Variants in GRM7 observed in about 807,000 individuals in gnomAD.
The protein encoded by GRM7 is metabotropic glutamate receptor 7.
GRM7 carries 35 observed loss-of-function variants against 84.5 expected under a neutral mutation model. That is an observed-to-expected ratio of 0.41 (90% CI 0.32 to 0.55). The LOEUF (loss-of-function observed/expected upper bound fraction) is 0.55. GRM7 is among the 20% of genes least tolerant of loss of function. GRM7 has a pLI of 0.19. For missense variants in GRM7, 1,003 were observed against 1,194.6 expected, an observed-to-expected ratio of 0.84 and a Z score of 2.36; for synonymous variants, 487 against 455.1, an observed-to-expected ratio of 1.07 and a Z score of -0.89.
Position 7,579,174 on chromosome 3 carries a change from C to A in GRM7, c.2268C>A (p.Ile756=), listed in dbSNP as rs1209877460. The A allele has an allele frequency of 1.2e-6, 2 of 1,613,832 alleles. No individual in the cohort carries two copies. Among genetic ancestry groups the A allele is most frequent in the East Asian group, 2.2e-5 (1 of 44,880 alleles). Residue 756 remains isoleucine, a synonymous_variant, in exon 8 of 10, where the codon ATC becomes ATA. Transcript: ENST00000357716. Reference sequence around the variant, plus strand: ...AGTGTGACATTACAGATCTCCAAATCATTTGCTCCTTGGGATATAGCATTC... The same window carrying A: ...AGTGTGACATTACAGATCTCCAAATAATTTGCTCCTTGGGATATAGCATTC... ...VLKCDITDLQ[I]ICSLGYSILL...
chr3:6,927,106 T>C (rs11131059), intron 1 of GRM7, among the ~76,000 whole-genome samples: 9,842 of 152,210 alleles, frequency 0.065, 454 homozygotes, highest in East Asian at 0.2. Flanking sequence ...AATTTAAATA[T>C]GTGCCATAAA....
intron 7 of GRM7, among the ~76,000 whole-genome samples, chr3:7,568,959 C>T (rs946687117): frequency 2.0e-5 from 3 of 152,166 alleles, no homozygotes; most frequent in African/African-American, 7.2e-5. Flanking sequence ...CATCGACCAC[C>T]CAAGGGCTGA....
intron 1 of GRM7, among the ~76,000 whole-genome samples, chr3:7,076,428 T>C (rs1698080788): frequency 6.6e-6 from 1 of 152,098 alleles, no homozygotes; most frequent in South Asian, 2.1e-4. Flanking sequence ...TCAGAAGATT[T>C]AATGTGTTTA....
At chr3:7,389,656 A>G (rs892973375) in intron 4 of GRM7, among the ~76,000 whole-genome samples, 1 of 152,012 alleles carries the variant, frequency 6.6e-6, no homozygotes, top group Non-Finnish European at 1.5e-5. Flanking sequence ...AGTCTATTTT[A>G]TATGATAAAA....
intron 9 of GRM7, among the ~76,000 whole-genome samples, chr3:7,726,438 A>G (rs1024486669): frequency 2.2e-4 from 33 of 151,790 alleles, no homozygotes; most frequent in African/African-American, 7.5e-4. Context: ...TGTACAAAGT[A>G]AAATGTAAAA....
intron 9 of GRM7, among the ~76,000 whole-genome samples, chr3:7,725,100 T>C (rs184717552): frequency 2.2e-4 from 33 of 152,056 alleles, no homozygotes; most frequent in African/African-American, 7.5e-4. Flanking sequence ...GACAAGAAAA[T>C]ACATTGAAAT....
At chr3:7,229,199 A>G (rs1165133647) in intron 2 of GRM7, among the ~76,000 whole-genome samples, 1 of 152,200 alleles carries the variant, frequency 6.6e-6, no homozygotes, top group Non-Finnish European at 1.5e-5. Context: ...TAACATTTCC[A>G]GTGTTAACAT....
At chr3:7,212,335 CCATTCATTCATT>C (rs144947910) in intron 2 of GRM7, among the ~76,000 whole-genome samples, 1 of 151,890 alleles carries the variant, frequency 6.6e-6, no homozygotes, top group East Asian at 1.9e-4. Flanking sequence ...TTCTTTTTCT[CCATTCATTCATT>C]CATTCATTCA....
At chr3:7,165,061 G>T (rs1370954472) in intron 2 of GRM7, among the ~76,000 whole-genome samples, 2 of 152,220 alleles carry the variant, frequency 1.3e-5, no homozygotes, top group Non-Finnish European at 2.9e-5. Context: ...GATGTGGAAT[G>T]AATCCAGAAA....
intron 1 of GRM7, among the ~76,000 whole-genome samples, chr3:7,128,744 G>T (rs966118931): frequency 6.6e-6 from 1 of 151,552 alleles, no homozygotes; most frequent in Non-Finnish European, 1.5e-5. Flanking sequence ...CTGATTTTAG[G>T]TGATCCACCC....
intron 7 of GRM7, among the ~76,000 whole-genome samples, chr3:7,471,133 T>G (rs950911978): frequency 1.3e-5 from 2 of 151,916 alleles, no homozygotes; most frequent in Non-Finnish European, 2.9e-5. Flanking sequence ...AAATGAATAG[T>G]GAAAACTTCC....
rs1040536821 is a variant in GRM7, at chr3:6,861,167, C to T, written c.-222C>T. 3 of 438,402 alleles carry T rather than the reference C, an allele frequency of 6.8e-6. No individual in the cohort carries two copies. Among genetic ancestry groups the T allele is most frequent in the Non-Finnish European group, 1.2e-5 (3 of 251,898 alleles). 27.2% of individuals were successfully genotyped at this position (438,402 alleles called of 1,614,324 possible). On this transcript the variant is annotated 5_prime_UTR_variant, in exon 1 of 10. Transcript: ENST00000357716. This position sits in a 1 kb window ranked among gnomAD's most constrained non-coding sequence, Gnocchi z 6.4. ...AGCAAGCCGGTGAGCGCGAGCGCGG[C>T]GCGCCGGCCGGCTAACCCGAGAGCG...
At chr3:7,539,817 T>C (rs1692771509) in intron 7 of GRM7, among the ~76,000 whole-genome samples, 3 of 152,220 alleles carry the variant, frequency 2.0e-5, no homozygotes, top group South Asian at 4.1e-4. Flanking sequence ...TTGTAAATGA[T>C]ATTGGCACTG....
intron 1 of GRM7, among the ~76,000 whole-genome samples, chr3:7,111,112 C>A (rs1304550393): frequency 2.6e-5 from 4 of 152,038 alleles, no homozygotes; most frequent in Non-Finnish European, 5.9e-5. Flanking sequence ...AGAGTTTAAA[C>A]CCTGAAGCAG....
chr3:7,590,798 G>C (rs1695745118), intron 8 of GRM7, among the ~76,000 whole-genome samples: 1 of 152,108 alleles, frequency 6.6e-6, no homozygotes, highest in African/African-American at 2.4e-5. Flanking sequence ...CCCAGCTAAA[G>C]GGAGCTCCAC....
chr3:7,550,484 C>G (rs914050485), intron 7 of GRM7, among the ~76,000 whole-genome samples: 1 of 136,834 alleles, frequency 7.3e-6, no homozygotes, highest in African/African-American at 2.7e-5. Context: ...TCTTTCCTTC[C>G]TTTCCTTTCT....
intron 7 of GRM7, among the ~76,000 whole-genome samples, chr3:7,529,371 C>G (rs1700938670): frequency 6.6e-6 from 1 of 152,090 alleles, no homozygotes; most frequent in Admixed American, 6.6e-5. Flanking sequence ...AAGAATCCAT[C>G]TATTCACCTA....
At chr3:7,046,539 C>T (rs1482018250) in intron 1 of GRM7, among the ~76,000 whole-genome samples, 1 of 152,084 alleles carries the variant, frequency 6.6e-6, no homozygotes, top group Non-Finnish European at 1.5e-5. Context: ...AATTTGGCAA[C>T]AGCCAGTTGT....
intron 1 of GRM7, among the ~76,000 whole-genome samples, chr3:6,999,258 C>T (rs553732990): frequency 3.9e-5 from 6 of 152,136 alleles, no homozygotes; most frequent in Non-Finnish European, 7.3e-5. Context: ...CAACAAGTTC[C>T]TCATCTCCAT....
Sources: allele counts gnomAD v4.1 joint callset (sites outside exome capture counted in the v4.1 genomes callset), GRCh38; gene constraint gnomAD v4.1.1; non-coding constraint Gnocchi (gnomAD v3.1); transcripts MANE v1.5; gene names NCBI Gene and HGNC (gene_info 2026-07-23, HGNC 2026-07-21).